Variants in MYO1E observed in about 807,000 individuals in gnomAD.
The protein encoded by MYO1E is unconventional myosin-Ie.
Under a neutral mutation model 151.1 loss-of-function variants are expected in MYO1E, and 68 were observed. That is an observed-to-expected ratio of 0.45 (90% CI 0.37 to 0.55). The LOEUF (loss-of-function observed/expected upper bound fraction) is 0.55. Ranked by LOEUF, MYO1E falls within the 20% of genes least tolerant of loss-of-function variation. MYO1E has a pLI of 0.00. For synonymous variants in MYO1E, 601 were observed against 501.7 expected (o/e 1.20, Z -2.64); for missense variants, 1,363 against 1,389.3 (o/e 0.98, Z 0.30).
At chr15:59,260,654 T>G (rs1320156574) in intron 3 of MYO1E, among the ~76,000 whole-genome samples, 1 of 152,198 alleles carries the variant, frequency 6.6e-6, no homozygotes, top group African/African-American at 2.4e-5. Context: ...TGATTATGAA[T>G]AGGAACCAGG....
At chr15:59,294,842 T>A (rs192126901) in intron 1 of MYO1E, among the ~76,000 whole-genome samples, 2 of 152,290 alleles carry the variant, frequency 1.3e-5, no homozygotes, top group East Asian at 3.9e-4. Context: ...GCATGGAACA[T>A]CTGACCTCTG....
chr15:59,303,852 A>C (rs1264110901), intron 1 of MYO1E, among the ~76,000 whole-genome samples: 2 of 152,052 alleles, frequency 1.3e-5, no homozygotes, highest in Non-Finnish European at 2.9e-5. Context: ...TAAAATTAAC[A>C]ACAACAGCAG....
At chr15:59,295,232 G>C (rs564108732) in intron 1 of MYO1E, among the ~76,000 whole-genome samples, 1 of 152,118 alleles carries the variant, frequency 6.6e-6, no homozygotes, top group Non-Finnish European at 1.5e-5. Flanking sequence ...AAAAGCTTAA[G>C]CACTGAATTG....
chr15:59,254,889 G>C (rs561523352), intron 4 of MYO1E, among the ~76,000 whole-genome samples: 4 of 151,910 alleles, frequency 2.6e-5, no homozygotes, highest in African/African-American at 9.7e-5. Context: ...GCAGTGGCGT[G>C]ATCTTGGCTC....
chr15:59,191,560 G>C (rs2079734931), intron 17 of MYO1E, among the ~76,000 whole-genome samples: 1 of 152,076 alleles, frequency 6.6e-6, no homozygotes, highest in Non-Finnish European at 1.5e-5. Flanking sequence ...AAGCTTTCGA[G>C]GCAGGGAATG....
intron 2 of MYO1E, chr15:59,266,942 T>A (rs2140378093): frequency 6.6e-6 from 1 of 151,798 alleles, no homozygotes; most frequent in South Asian, 2.1e-4. Flanking sequence ...ATTACAGGCG[T>A]GAGCCACCGT....
chr15:59,372,425 T>A (rs2080952589), intron 1 of MYO1E, 73 bp downstream of exon 1: 1 of 1,527,518 alleles, frequency 6.5e-7, no homozygotes, highest in Admixed American at 2.0e-5. Context: ...GCGCCCAAGG[T>A]GGGTGCACCA....
Position 59,372,483 on chromosome 15 carries a change from G to A in MYO1E, c.3+15C>T, listed in dbSNP as rs745662742. 6.5e-7 allele frequency: 1 copy of A among 1,538,902 alleles called. No individual in the cohort carries two copies. The highest frequency in any genetic ancestry group is 1.2e-5 in the South Asian group (1 of 83,708). ...CCCGGGTCCGGCGTCCTAGGACGCGGCGCGGCCAACTCACCATGGTGACTC... is the reference window on the plus strand; with the variant it reads ...CCCGGGTCCGGCGTCCTAGGACGCGACGCGGCCAACTCACCATGGTGACTC... On this transcript the variant is annotated intron_variant, in intron 1 of 27. Coordinates refer to ENST00000288235, the MANE Select transcript of MYO1E (RefSeq NM_004998.4).
At chr15:59,332,252 T>C (rs1377793360) in intron 1 of MYO1E, among the ~76,000 whole-genome samples, 1 of 152,212 alleles carries the variant, frequency 6.6e-6, no homozygotes, top group East Asian at 1.9e-4. Context: ...GAATTCAAAG[T>C]CTTCTAACTG....
chr15:59,229,922 T>C (rs1279764880), intron 6 of MYO1E, among the ~76,000 whole-genome samples: 3 of 152,206 alleles, frequency 2.0e-5, no homozygotes, highest in Non-Finnish European at 4.4e-5. Context: ...ATCTGTTTTT[T>C]TAATTTAACA....
At position 59,207,021 on chromosome 15, in the gene MYO1E, CCT is replaced by C. The variant is rs769996519; in HGVS notation, c.1531-1538_1531-1537del. 306 of 1,614,218 alleles carry C rather than the reference CCT, an allele frequency of 1.9e-4. 1 individual carries two copies. The Admixed American group carries it at 4.8e-3, about 25-fold the overall frequency. The stretch of plus-strand genomic sequence containing the variant: ...CGAATTTCCTATGCCTGGGGATGGC[CCT>C]GTGTCCGCGTCAAGCAACGCGCATC... On this transcript the variant is annotated intron_variant, in intron 14 of 27. Coordinates refer to ENST00000288235, the MANE Select transcript of MYO1E (RefSeq NM_004998.4).
At chr15:59,257,778 C>G (rs2080202204) in intron 3 of MYO1E, among the ~76,000 whole-genome samples, 1 of 152,092 alleles carries the variant, frequency 6.6e-6, no homozygotes, top group African/African-American at 2.4e-5. Context: ...ACCTAAAGAA[C>G]CCTATGCAGG....
At chr15:59,273,685 A>G (rs2080301646) in intron 1 of MYO1E, among the ~76,000 whole-genome samples, 1 of 113,320 alleles carries the variant, frequency 8.8e-6, no homozygotes, top group East Asian at 2.1e-4. Context: ...AGGAGGAAGG[A>G]CATTCATTAT....
chr15:59,336,932 T>C (rs1475780428), intron 1 of MYO1E, among the ~76,000 whole-genome samples: 1 of 152,184 alleles, frequency 6.6e-6, no homozygotes, highest in African/African-American at 2.4e-5. Context: ...CTCATCCTTT[T>C]TTATGGCTGC....
In MYO1E at chr15:59,227,411, T is replaced by C. The variant is rs72746832; in HGVS notation, c.642+48A>G. ...GCCTGAAGTCTGAGAAATATTTTAA[T>C]GTAGAGAAGGGACAGGAAGTGGGTA... is the stretch of plus-strand genomic sequence containing the variant. On this transcript the variant is annotated intron_variant, in intron 7 of 27. Transcript: ENST00000288235. 1.6e-3 allele frequency: 2,617 copies of C among 1,609,586 alleles called. 1 individual carries two copies. Among genetic ancestry groups the C allele is most frequent in the Non-Finnish European group, 2.1e-3 (2,416 of 1,176,332 alleles).
chr15:59,332,526 C>T (rs944785691), intron 1 of MYO1E, among the ~76,000 whole-genome samples: 1 of 152,182 alleles, frequency 6.6e-6, no homozygotes, highest in Admixed American at 6.5e-5. Context: ...ACTAACCTGA[C>T]AGCAGCAGCA....
In MYO1E at chr15:59,207,178, G is replaced by A. The variant is rs561321863; in HGVS notation, c.1530+1503C>T. ...GGTCTCCATCATAGGAACTGGATCGGTGGGCATGGCCTGCGCTATCAGCAT... is the reference window on the plus strand; with the variant it reads ...GGTCTCCATCATAGGAACTGGATCGATGGGCATGGCCTGCGCTATCAGCAT... On this transcript the variant is annotated intron_variant, in intron 14 of 27. Transcript: ENST00000288235. 3 of 1,614,260 alleles carry A rather than the reference G, an allele frequency of 1.9e-6. No homozygotes were observed. Among genetic ancestry groups the A allele is most frequent in the East Asian group, 2.2e-5 (1 of 44,890 alleles).
At chr15:59,202,266 T>G in intron 16 of MYO1E, 60 bp downstream of exon 16, 1 of 1,479,650 alleles carries the variant, frequency 6.8e-7, no homozygotes, top group Non-Finnish European at 9.4e-7. Flanking sequence ...GTGCAGTTCC[T>G]TACTCCTAGA....
intron 1 of MYO1E, among the ~76,000 whole-genome samples, chr15:59,275,562 G>C (rs2080313519): frequency 6.6e-6 from 1 of 152,044 alleles, no homozygotes; most frequent in African/African-American, 2.4e-5. Flanking sequence ...AACTGCCCAA[G>C]GTTTTCTAAT....
Sources: allele counts gnomAD v4.1 joint callset (sites outside exome capture counted in the v4.1 genomes callset), GRCh38; gene constraint gnomAD v4.1.1; transcripts MANE v1.5; gene names NCBI Gene and HGNC (gene_info 2026-07-23, HGNC 2026-07-21).